Variants in STK32A observed in about 807,000 individuals in gnomAD.
STK32A encodes serine/threonine-protein kinase 32A.
STK32A carries 41 observed loss-of-function variants against 53.2 expected under a neutral mutation model. The ratio of observed to expected loss-of-function variants is 0.77; its 90% CI spans 0.60 to 1.00. STK32A has a LOEUF of 1.00. Ranked by LOEUF, STK32A falls within the 50% of genes least tolerant of loss-of-function variation. The pLI is 0.00. For missense variants in STK32A, 458 were observed against 485.8 expected (o/e 0.94, Z 0.54); for synonymous variants, 166 against 162.8 (o/e 1.02, Z -0.15).
chr5:147,327,434 A>C (rs1409115568), intron 5 of STK32A, among the ~76,000 whole-genome samples: 2 of 152,224 alleles, frequency 1.3e-5, no homozygotes, highest in Non-Finnish European at 2.9e-5. Flanking sequence ...AGTACAGTAG[A>C]TCTCCCGGAC....
chr5:147,363,371 G>A (rs543266797), intron 8 of STK32A, among the ~76,000 whole-genome samples: 2 of 152,228 alleles, frequency 1.3e-5, no homozygotes, highest in South Asian at 4.1e-4. Context: ...TGGGGAGAGG[G>A]GACTTGCTTA....
chr5:147,300,125 T>C (rs1753060361), intron 4 of STK32A, among the ~76,000 whole-genome samples: 1 of 152,216 alleles, frequency 6.6e-6, no homozygotes, highest in Non-Finnish European at 1.5e-5. Context: ...TCAACAATAT[T>C]AACTTCCCTA....
At chr5:147,350,995 G>GT (rs909519920) in intron 6 of STK32A, 70 bp from the exon 7 acceptor site, 65 of 1,392,868 alleles carry the variant, frequency 4.7e-5, no homozygotes, top group Non-Finnish European at 5.7e-5. Flanking sequence ...GGTGTTTTCA[G>GT]TTAAAAGCAT....
chr5:147,357,455 T>C (rs1756301218), intron 7 of STK32A, among the ~76,000 whole-genome samples: 1 of 152,140 alleles, frequency 6.6e-6, no homozygotes, highest in African/African-American at 2.4e-5. Flanking sequence ...TTCCAATAGT[T>C]CTTATTGATT....
chr5:147,337,139 C>A (rs1755173656), intron 5 of STK32A, among the ~76,000 whole-genome samples: 1 of 152,132 alleles, frequency 6.6e-6, no homozygotes, highest in Non-Finnish European at 1.5e-5. Flanking sequence ...TTGGATCCTG[C>A]CACAAGGAGC....
the STK32A span, chr5:147,397,598 G>A: frequency 6.6e-7 from 1 of 1,519,044 alleles, no homozygotes; most frequent in Non-Finnish European, 9.0e-7. Flanking sequence ...TGTGTTCATG[G>A]TTACTATCTC....
At position 147,373,292 on chromosome 5, in the gene STK32A, A is replaced by G; in HGVS notation, c.901A>G (p.Asn301Asp). Residue 301 changes from asparagine to aspartate, a missense_variant and splice_region_variant, in exon 10 of 13, where the codon AAT (asparagine) becomes GAT (aspartate). By Grantham distance (23) the Asn-to-Asp change is conservative. Transcript: ENST00000397936. ...GAGGCTCATTCCAGGTTTCATTCCT[A>G]ATGTGAGTCAATCCTAACAAAGCCA... ...QKRLIPGFIP[N>D]KGRLNCDPTF... 6.2e-7 allele frequency: 1 copy of G among 1,613,136 alleles called. No homozygotes were observed. Among genetic ancestry groups the G allele is most frequent in the Non-Finnish European group, 8.5e-7 (1 of 1,179,418 alleles).
intron 11 of STK32A, among the ~76,000 whole-genome samples, chr5:147,380,896 T>C (rs1447891631): frequency 6.6e-6 from 1 of 152,228 alleles, no homozygotes; most frequent in African/African-American, 2.4e-5. Flanking sequence ...TAATTGTTGT[T>C]TTTTAAATAT....
At chr5:147,373,324 T>C (rs1423148587) in intron 10 of STK32A, 30 bp downstream of exon 10, 2 of 1,611,500 alleles carry the variant, frequency 1.2e-6, no homozygotes, top group Non-Finnish European at 1.7e-6. Context: ...GCCAAATAAC[T>C]CCCATTCAGT....
chr5:147,328,736 G>T (rs565164125), intron 5 of STK32A, among the ~76,000 whole-genome samples: 1 of 152,200 alleles, frequency 6.6e-6, no homozygotes, highest in Admixed American at 6.5e-5. Context: ...CTTCTACAGG[G>T]TTAGTACTAT....
At chr5:147,246,533 A>G (rs12516004) in intron 2 of STK32A, among the ~76,000 whole-genome samples, 25,177 of 152,224 alleles carry the variant, frequency 0.17, 2,269 homozygotes, top group Admixed American at 0.24. Context: ...TTATTTCAAA[A>G]TGAAATAATT....
intron 2 of STK32A, among the ~76,000 whole-genome samples, chr5:147,260,190 CCTCTCTCTCTCCTCTCTCTCTCCTCT>C: frequency 4.8e-5 from 2 of 41,602 alleles, no homozygotes; most frequent in Non-Finnish European, 9.8e-5. Context: ...CTCTCTCTCT[CCTCTCTCTCTCCTCTCTCTCTCCTCT>C]CTCTCTCTCT....
intron 10 of STK32A, among the ~76,000 whole-genome samples, chr5:147,374,058 G>T (rs1757122278): frequency 6.6e-6 from 1 of 152,104 alleles, no homozygotes; most frequent in Admixed American, 6.6e-5. Context: ...ACTTTAGGAG[G>T]CCGAGGCAGG....
At chr5:147,397,525 G>T in the STK32A span, 1 of 926,532 alleles carries the variant, frequency 1.1e-6, no homozygotes, top group Non-Finnish European at 1.5e-6. Flanking sequence ...AGTCTGTGTA[G>T]TTGTTCTTGG....
chr5:147,251,398 A>G (rs1753990224), intron 2 of STK32A, among the ~76,000 whole-genome samples: 1 of 152,188 alleles, frequency 6.6e-6, no homozygotes, highest in African/African-American at 2.4e-5. Flanking sequence ...GAACAACCAT[A>G]ATGCATTTTA....
chr5:147,273,609 T>C (rs1755137529), intron 2 of STK32A, among the ~76,000 whole-genome samples: 1 of 152,226 alleles, frequency 6.6e-6, no homozygotes, highest in African/African-American at 2.4e-5. Context: ...GAGCAGAGTG[T>C]GATTTTAGTG....
chr5:147,260,892 C>T lies in STK32A; in HGVS notation c.53-17232C>T, dbSNP rs181828828. Among the ~76,000 whole-genome samples, 4 of 152,298 alleles carry T rather than the reference C, an allele frequency of 2.6e-5. No individual in the cohort carries two copies. The East Asian group carries it at 5.8e-4, about 22-fold the overall frequency. On this transcript the variant is annotated intron_variant, in intron 2 of 12. Coordinates refer to ENST00000397936, the MANE Select transcript of STK32A (RefSeq NM_001112724.2). ...AGCAGGTCGTTTGTGATCATTCATG[C>T]ACACACACACATTTAACCCTCCAGA...
chr5:147,270,404 C>CAG (rs5872016), intron 2 of STK32A, among the ~76,000 whole-genome samples: 88,951 of 151,392 alleles, frequency 0.59, 26,486 homozygotes, highest in African/African-American at 0.67. Context: ...GTTGTTGAGA[C>CAG]AGTCTCCCTA....
intron 8 of STK32A, among the ~76,000 whole-genome samples, chr5:147,364,202 C>T (rs936364325): frequency 1.5e-5 from 2 of 130,212 alleles, no homozygotes; most frequent in Non-Finnish European, 3.1e-5. Flanking sequence ...GCAATGAGAG[C>T]GAAACTCCAT....
Sources: allele counts gnomAD v4.1 joint callset (sites outside exome capture counted in the v4.1 genomes callset), GRCh38; gene constraint gnomAD v4.1.1; transcripts MANE v1.5; gene names NCBI Gene and HGNC (gene_info 2026-07-23, HGNC 2026-07-21).